RAPGEFL1: variants seen among roughly 807,000 people sequenced by gnomAD.
The protein encoded by RAPGEFL1 is rap guanine nucleotide exchange factor-like 1.
Under a neutral mutation model 64.4 loss-of-function variants are expected in RAPGEFL1, and 31 were observed. The observed-to-expected ratio is 0.48, with a 90% confidence interval of 0.36 to 0.65. The LOEUF (loss-of-function observed/expected upper bound fraction) is 0.65, where lower values mean the gene tolerates loss of function less well. RAPGEFL1 is among the 30% of genes least tolerant of loss of function. The pLI is 0.00. For synonymous variants in RAPGEFL1, 331 were observed against 274.1 expected, an observed-to-expected ratio of 1.21 and a Z score of -2.05; for missense variants, 682 against 677.4, an observed-to-expected ratio of 1.01 and a Z score of -0.08.
Position 40,181,509 on chromosome 17 carries a change from T to C in RAPGEFL1, c.521-107T>C, listed in dbSNP as rs914040282. The stretch of plus-strand genomic sequence containing the variant: ...AAGGCAGGTGGCTGGGGCTCCAGCC[T>C]GGCTAAAGAGAACTTGCCCTTAGGG... On this transcript the variant is annotated intron_variant, in intron 1 of 14. Transcript: ENST00000620260. 1.2e-5 allele frequency: 8 copies of C among 675,106 alleles called. No individual in the cohort carries two copies. The African/African-American group carries it at 1.4e-4, about 12-fold the overall frequency. The allele number at this position is 675,106 out of a possible 1,614,324, so 41.8% of individuals were successfully genotyped here. A position where few individuals can be genotyped will look rare whatever the true frequency, so the allele number is the denominator to read the frequency against.
At position 40,189,311 on chromosome 17, in the gene RAPGEFL1, A is replaced by G; in HGVS notation, c.1050A>G (p.Gln350=). The G allele has an allele frequency of 6.2e-7, 1 of 1,614,168 alleles. No homozygotes were observed. The highest frequency in any genetic ancestry group is 1.7e-5 in the Admixed American group (1 of 60,026). The stretch of plus-strand genomic sequence containing the variant: ...TGGGCTCTGTGACGGAGAAACTTCA[A>G]TATTCAGAGGAGCCCGCGGGGCGTG... ...DILGSVTEKL[Q]YSEEPAGRED... Residue 350 remains glutamine, a synonymous_variant, in exon 6 of 15, where the codon CAA becomes CAG. Transcript: ENST00000620260.
At chr17:40,188,640 G>A (rs1004232630) in intron 4 of RAPGEFL1, 4 of 561,054 alleles carry the variant, frequency 7.1e-6, no homozygotes, top group Non-Finnish European at 1.3e-5. Flanking sequence ...TGGTGGGTGG[G>A]GTGGATCAGA....
chr17:40,177,225 G>A, upstream of RAPGEFL1: 1 of 702,618 alleles, frequency 1.4e-6, no homozygotes, highest in Non-Finnish European at 2.6e-6. Flanking sequence ...GACCTGTCCT[G>A]ACTCTTTGAA....
chr17:40,177,856 G>GT lies in RAPGEFL1; in HGVS notation c.-6_-5insT, dbSNP rs1567689294. ...GGCGACCCCTAGGAGAGGGGCGGGG[G>GT]GGGGCATGAAGCCGCTGGAGAAATT... On this transcript the variant is annotated 5_prime_UTR_variant, in exon 1 of 15. Coordinates refer to ENST00000620260, the MANE Select transcript of RAPGEFL1 (RefSeq NM_016339.6). 1 of 427,976 alleles carries GT rather than the reference G, an allele frequency of 2.3e-6. No homozygotes were observed. Among genetic ancestry groups the GT allele is most frequent in the African/African-American group, 2.1e-5 (1 of 48,726 alleles). The allele number at this position is 427,976 out of a possible 1,614,324, so 26.5% of individuals were successfully genotyped here.
intron 3 of RAPGEFL1, 43 bp from the exon 4 acceptor site, chr17:40,184,538 A>C (rs1039513590): frequency 7.6e-7 from 1 of 1,323,406 alleles, no homozygotes; most frequent in African/African-American, 1.5e-5. Flanking sequence ...TAGCCCTTGG[A>C]ATGAGACCCC....
Position 40,194,184 on chromosome 17 carries a change from C to G in RAPGEFL1, c.*396C>G. ...GGCAGCCTTCTTCTCCACCACCTGT[C>G]CAGCTTCTTCCTGGTCAGGGCTGGG... On this transcript the variant is annotated 3_prime_UTR_variant, in exon 15 of 15. Transcript: ENST00000620260. 4.6e-6 allele frequency: 1 copy of G among 219,582 alleles called. No individual in the cohort carries two copies. The highest frequency in any genetic ancestry group is 5.2e-5 in the Admixed American group (1 of 19,284). 13.6% of individuals were successfully genotyped at this position (219,582 alleles called of 1,614,324 possible). A position where few individuals can be genotyped will look rare whatever the true frequency, so the allele number is the denominator to read the frequency against.
Position 40,192,721 on chromosome 17 carries a change from G to A in RAPGEFL1, c.1744+28G>A, listed in dbSNP as rs750305148. On this transcript the variant is annotated intron_variant, in intron 12 of 14. Coordinates refer to ENST00000620260, the MANE Select transcript of RAPGEFL1 (RefSeq NM_016339.6). ...GAGAGAGTTACTCCCAAGCTGTGCC[G>A]CTTCCACCCATGCTTCCCTTCTCCT... 15 of 1,586,254 alleles carry A rather than the reference G, an allele frequency of 9.5e-6. No individual in the cohort carries two copies. In the Admixed American group the frequency reaches 1.2e-4, roughly 12 times the overall value.
intron 6 of RAPGEFL1, among the ~76,000 whole-genome samples, chr17:40,190,030 A>G (rs1213459834): frequency 3.9e-5 from 6 of 152,028 alleles, no homozygotes; most frequent in Non-Finnish European, 8.8e-5. Flanking sequence ...TCACTCACCT[A>G]TGGATTGTAT....
In RAPGEFL1 at chr17:40,190,543, C is replaced by T. The variant is rs1768707260; in HGVS notation, c.1212+12C>T. On this transcript the variant is annotated intron_variant, in intron 7 of 14. Coordinates refer to ENST00000620260, the MANE Select transcript of RAPGEFL1 (RefSeq NM_016339.6). Reference sequence around the variant, plus strand: ...GCTATGAGGCTCTGGTAAGAACTTCCCAAGGCCTTGACTGGAATGGAGGGC... The same window carrying T: ...GCTATGAGGCTCTGGTAAGAACTTCTCAAGGCCTTGACTGGAATGGAGGGC... 1.9e-6 allele frequency: 3 copies of T among 1,614,024 alleles called. No individual in the cohort carries two copies.
chr17:40,188,985 G>A lies in RAPGEFL1; in HGVS notation c.946+7G>A. 1 of 1,612,174 alleles carries A rather than the reference G, an allele frequency of 6.2e-7. No homozygotes were observed. The highest frequency in any genetic ancestry group is 8.5e-7 in the Non-Finnish European group (1 of 1,178,338). On this transcript the variant is annotated splice_region_variant and intron_variant, in intron 5 of 14. Transcript: ENST00000620260. The stretch of plus-strand genomic sequence containing the variant: ...TTCCGGGGCTCTGATGAGAGTGAGT[G>A]TGGGCATTAGGAGGGGCAGGGTGTC...
At position 40,193,908 on chromosome 17, in the gene RAPGEFL1, A is replaced by G. The variant is rs1480954636; in HGVS notation, c.*120A>G. 8.0e-6 allele frequency: 11 copies of G among 1,379,722 alleles called. No homozygotes were observed. The highest frequency in any genetic ancestry group is 1.1e-5 in the Non-Finnish European group (11 of 1,018,614). The allele number at this position is 1,379,722 out of a possible 1,614,324, so 85.5% of individuals were successfully genotyped here. A position where few individuals can be genotyped will look rare whatever the true frequency, so the allele number is the denominator to read the frequency against. Reference sequence around the variant, plus strand: ...TGGAGCAACTTCCTGCTCCACGGGAAAGAGGTCGATGGATTTACCCCTGGA... The same window carrying G: ...TGGAGCAACTTCCTGCTCCACGGGAGAGAGGTCGATGGATTTACCCCTGGA... On this transcript the variant is annotated 3_prime_UTR_variant, in exon 15 of 15. Coordinates refer to ENST00000620260, the MANE Select transcript of RAPGEFL1 (RefSeq NM_016339.6).
chr17:40,193,521 G>C, intron 14 of RAPGEFL1, 104 bp downstream of exon 14: 5 of 1,573,988 alleles, frequency 3.2e-6, no homozygotes, highest in Non-Finnish European at 4.4e-6. Context: ...TACACTTGCT[G>C]GTTCCCCATT....
In RAPGEFL1 at chr17:40,190,780, T is replaced by G; in HGVS notation, c.1335+18T>G. On this transcript the variant is annotated intron_variant, in intron 8 of 14. Coordinates refer to ENST00000620260, the MANE Select transcript of RAPGEFL1 (RefSeq NM_016339.6). The stretch of plus-strand genomic sequence containing the variant: ...TGCATGAGGTGGGGACCGAGGCTGG[T>G]GCTATGCTGGGGGGCTGGAGGGAGA... 1 of 1,613,588 alleles carries G rather than the reference T, an allele frequency of 6.2e-7. No homozygotes were observed.
chr17:40,177,160 A>G, upstream of RAPGEFL1: 1 of 702,612 alleles, frequency 1.4e-6, no homozygotes, highest in Non-Finnish European at 2.6e-6. Flanking sequence ...GGGTTCAGCA[A>G]TCTGTAGGCC....
At chr17:40,193,115 A>T (rs538509625) in intron 13 of RAPGEFL1, 125 bp downstream of exon 13, 1 of 1,034,140 alleles carries the variant, frequency 9.7e-7, no homozygotes, top group Non-Finnish European at 1.5e-6. Context: ...CAGACTCTTG[A>T]CTGTCTCCCT....
In RAPGEFL1 at chr17:40,191,693, C is replaced by G; in HGVS notation, c.1605+21C>G. On this transcript the variant is annotated intron_variant, in intron 10 of 14. Transcript: ENST00000620260. The surrounding 1 kb of genome is among the most constrained non-coding windows in gnomAD (Gnocchi z 5.1). ...GGGAGGTGATGAGACCCCTCCCGTT[C>G]CTACCTGGGAATCTGGGCATCCCGG... 6.3e-7 allele frequency: 1 copy of G among 1,599,216 alleles called. No individual in the cohort carries two copies. The highest frequency in any genetic ancestry group is 8.5e-7 in the Non-Finnish European group (1 of 1,172,586).
At position 40,195,458 on chromosome 17, in the gene RAPGEFL1, G is replaced by A. The variant is rs1293751350; in HGVS notation, c.*1670G>A. 1 of 152,966 alleles carries A rather than the reference G, an allele frequency of 6.5e-6. No individual in the cohort carries two copies. Among genetic ancestry groups the A allele is most frequent in the African/African-American group, 2.4e-5 (1 of 41,412 alleles). 9.5% of individuals were successfully genotyped at this position (152,966 alleles called of 1,614,324 possible). On this transcript the variant is annotated 3_prime_UTR_variant, in exon 15 of 15. Coordinates refer to ENST00000620260, the MANE Select transcript of RAPGEFL1 (RefSeq NM_016339.6). ...GGAACTCCAGCTGCCACCACCCTCT[G>A]GGTCGGACACTGGGACCCACTGGCC...
At position 40,191,408 on chromosome 17, in the gene RAPGEFL1, G is replaced by A; in HGVS notation, c.1428G>A (p.Thr476=). The change falls in exon 9 of 15, where the codon ACG becomes ACA. Residue 476 remains threonine, a synonymous_variant. Transcript: ENST00000620260. This position sits in a 1 kb window ranked among gnomAD's most constrained non-coding sequence, Gnocchi z 5.1. ...ELLLQRCSEV[T]HWVATEVLLC... ...TGCTGCAGCGCTGCAGCGAGGTCAC[G>A]CACTGGGTGGCCACCGAAGTGCTGC... The A allele has an allele frequency of 6.2e-7, 1 of 1,603,752 alleles. No individual in the cohort carries two copies.
rs187302845 is a variant in RAPGEFL1, at chr17:40,189,407, C to T, written c.1114+32C>T. The T allele has an allele frequency of 2.7e-4, 439 of 1,609,762 alleles. 3 individuals are homozygous for T. In the East Asian group the frequency reaches 8.2e-3, roughly 30 times the overall value. On this transcript the variant is annotated intron_variant, in intron 6 of 14. Coordinates refer to ENST00000620260, the MANE Select transcript of RAPGEFL1 (RefSeq NM_016339.6). ...GTCAGGAAGAACTGGGCTGATGCTC[C>T]GAGAGGAGAAACTCACAAGCTCAGG...
Sources: allele counts gnomAD v4.1 joint callset (sites outside exome capture counted in the v4.1 genomes callset), GRCh38; gene constraint gnomAD v4.1.1; non-coding constraint Gnocchi (gnomAD v3.1); transcripts MANE v1.5; gene names NCBI Gene and HGNC (gene_info 2026-07-23, HGNC 2026-07-21).